KIF21A: variants seen among roughly 807,000 people sequenced by gnomAD.
KIF21A encodes the protein kinesin-like protein KIF21A.
A neutral mutation model predicts 202.9 loss-of-function variants in KIF21A; 114 were observed. The observed-to-expected ratio is 0.56, with a 90% CI of 0.48 to 0.66. The LOEUF is 0.66. KIF21A is among the 30% of genes least tolerant of loss of function. KIF21A has a pLI of 0.00. For missense variants in KIF21A, 1,677 were observed against 1,994.9 expected (o/e 0.84, Z 3.04); for synonymous variants, 667 against 670.8 (o/e 0.99, Z 0.09).
At position 39,301,500 on chromosome 12, in the gene KIF21A, G is replaced by A. The variant is rs1315156043; in HGVS notation, c.4911C>T (p.Thr1637=). Residue 1637 remains threonine, a synonymous_variant, in exon 37 of 38, where the codon ACC becomes ACT. Transcript: ENST00000361418. ...SPINAICVNS[T]HIFTAADDRT... ...CTTACTCAGCTGCAGTAAAAATGTG[G>A]GTGGAATTAACACATATGGCATTGA... 6.2e-7 allele frequency: 1 copy of A among 1,613,822 alleles called. No individual in the cohort carries two copies. Among genetic ancestry groups the A allele is most frequent in the Middle Eastern group, 1.6e-4 (1 of 6,062 alleles).
At chr12:39,408,715 A>T (rs540260846) in intron 1 of KIF21A, among the ~76,000 whole-genome samples, 152 of 152,316 alleles carry the variant, frequency 1.0e-3, no homozygotes, top group African/African-American at 3.5e-3. Flanking sequence ...AGAACAGAGC[A>T]TAAGGGAGAA....
intron 3 of KIF21A, 89 bp downstream of exon 3, chr12:39,369,640 A>C (rs1949822900): frequency 1.1e-6 from 1 of 931,998 alleles, no homozygotes; most frequent in African/African-American, 1.7e-5. Context: ...TCTTCAAAGC[A>C]CTATACTTGA....
At chr12:39,329,526 A>G (rs1946310533) in intron 24 of KIF21A, among the ~76,000 whole-genome samples, 1 of 152,062 alleles carries the variant, frequency 6.6e-6, no homozygotes, top group South Asian at 2.1e-4. Flanking sequence ...AAGGAGGAAC[A>G]CAATAAATTA....
At chr12:39,349,863 G>T (rs1948222582) in intron 11 of KIF21A, among the ~76,000 whole-genome samples, 1 of 151,784 alleles carries the variant, frequency 6.6e-6, no homozygotes, top group Non-Finnish European at 1.5e-5. Context: ...CAGTTATATG[G>T]TATAGTACAC....
At chr12:39,436,369 A>T (rs1248082803) in intron 1 of KIF21A, among the ~76,000 whole-genome samples, 1 of 146,862 alleles carries the variant, frequency 6.8e-6, no homozygotes, top group Non-Finnish European at 1.5e-5. Context: ...TCCTTTCAAG[A>T]TCCCTTTCAA....
chr12:39,382,442 G>A (rs991591039), intron 1 of KIF21A, among the ~76,000 whole-genome samples: 1 of 151,982 alleles, frequency 6.6e-6, no homozygotes, highest in Non-Finnish European at 1.5e-5. Flanking sequence ...ACAATTACAG[G>A]TAATCTGGTT....
At chr12:39,333,315 A>C (rs766532617) in intron 17 of KIF21A, 35 bp from the exon 18 acceptor site, 1 of 1,364,886 alleles carries the variant, frequency 7.3e-7, no homozygotes, top group South Asian at 1.2e-5. Context: ...GAAATAGTAA[A>C]GTGAAAGATA....
intron 12 of KIF21A, 53 bp downstream of exon 12, chr12:39,346,413 G>C: frequency 7.7e-7 from 1 of 1,293,214 alleles, no homozygotes; most frequent in Non-Finnish European, 1.0e-6. Flanking sequence ...CTTGTGAATG[G>C]CAACTAAGTA....
At chr12:39,426,718 CAAA>C (rs1200308560) in intron 1 of KIF21A, among the ~76,000 whole-genome samples, 3 of 81,922 alleles carry the variant, frequency 3.7e-5, no homozygotes, top group African/African-American at 8.9e-5. Flanking sequence ...ACTAAAAATA[CAAA>C]AAAAAAAAAA....
chr12:39,421,998 C>G (rs1459019318), intron 1 of KIF21A, among the ~76,000 whole-genome samples: 1 of 151,686 alleles, frequency 6.6e-6, no homozygotes, highest in Non-Finnish European at 1.5e-5. Context: ...CACTTTATCA[C>G]CCAGGCCTGC....
intron 6 of KIF21A, among the ~76,000 whole-genome samples, 187 bp from the exon 7 acceptor site, chr12:39,363,400 A>G (rs546192025): frequency 1.2e-4 from 19 of 152,168 alleles, no homozygotes; most frequent in Non-Finnish European, 2.1e-4. Flanking sequence ...AGTACTATAT[A>G]TAATACCGTA....
At chr12:39,295,896 GGT>G (rs1054848592) in intron 37 of KIF21A, among the ~76,000 whole-genome samples, 10 of 150,672 alleles carry the variant, frequency 6.6e-5, no homozygotes, top group African/African-American at 2.4e-4. Context: ...GTAGAGATGG[GGT>G]TTCACCATGT....
intron 24 of KIF21A, among the ~76,000 whole-genome samples, chr12:39,328,538 T>C (rs553136718): frequency 1.8e-4 from 27 of 152,314 alleles, no homozygotes; most frequent in Admixed American, 3.3e-4. Context: ...TCTCTGATGA[T>C]AGTGGTGACC....
At chr12:39,345,132 G>T (rs1229751064) in intron 12 of KIF21A, among the ~76,000 whole-genome samples, 2 of 152,192 alleles carry the variant, frequency 1.3e-5, no homozygotes, top group African/African-American at 2.4e-5. Flanking sequence ...CTATGTTTGA[G>T]AAGTTGTTCT....
chr12:39,326,385 C>T, intron 24 of KIF21A, 61 bp from the exon 25 acceptor site: 1 of 1,116,270 alleles, frequency 9.0e-7, no homozygotes, highest in Non-Finnish European at 1.4e-6. Flanking sequence ...ATGGTGACTG[C>T]AATCCATAGG....
rs150619971 is a variant in KIF21A at position 39,385,078 on chromosome 12, G to A, written c.45-14817C>T. Reference sequence around the variant, plus strand: ...CTTTGCTGTTTTCTATGAATTAGAAGCAATTCACAGGTACTATTTAACTCG... The same window carrying A: ...CTTTGCTGTTTTCTATGAATTAGAAACAATTCACAGGTACTATTTAACTCG... On this transcript the variant is annotated intron_variant, in intron 1 of 37. Coordinates refer to ENST00000361418, the MANE Select transcript of KIF21A (RefSeq NM_001173464.2). Among the ~76,000 whole-genome samples, 12 of 152,250 alleles carry A rather than the reference G, an allele frequency of 7.9e-5. No individual in the cohort carries two copies. In the East Asian group the frequency reaches 2.3e-3, roughly 29 times the overall value.
At chr12:39,434,248 A>G (rs1938370696) in intron 1 of KIF21A, among the ~76,000 whole-genome samples, 1 of 152,224 alleles carries the variant, frequency 6.6e-6, no homozygotes, top group Non-Finnish European at 1.5e-5. Context: ...AGAGGGGACT[A>G]AACTCTTTTA....
Position 39,367,162 on chromosome 12 carries a change from C to T in KIF21A, c.603G>A (p.Met201Ile). The change falls in exon 5 of 38, where the codon ATG becomes ATA. Residue 201 changes from methionine (M) to isoleucine (I), a missense_variant and splice_region_variant. Coordinates refer to ENST00000361418, the MANE Select transcript of KIF21A (RefSeq NM_001173464.2). The stretch of plus-strand genomic sequence containing the variant: ...AAGCACCCAACTTCAAACACTGCAT[C>T]ATCTGAAAAAGGGGAAGAAACAAGG... ...TTRTVNTESE[M>I]MQCLKLGALS... The T allele has an allele frequency of 6.2e-7, 1 of 1,613,734 alleles. No individual in the cohort carries two copies. Among genetic ancestry groups the T allele is most frequent in the Non-Finnish European group, 8.5e-7 (1 of 1,179,804 alleles).
chr12:39,332,329 T>A lies in KIF21A; in HGVS notation c.2936A>T (p.Asp979Val). The change falls in exon 21 of 38, where the codon GAT becomes GTT. Residue 979 changes from aspartate (D) to valine (V), a missense_variant. Asp to Val is a radical substitution (Grantham distance 152, BLOSUM62 -3). Around this residue, in one of 3 missense-constraint regions of KIF21A, gnomAD observed 966 missense variants for 1,180.9 expected, o/e 0.82. Coordinates refer to ENST00000361418, the MANE Select transcript of KIF21A (RefSeq NM_001173464.2). ...TTCATTGATATTAGCCACATTTTTA[T>A]CTCCCTCTCCATTCTCCTTGACTAT... ...EKIVKENGEG[D>V]KNVANINEEM... is the part of the protein sequence containing the mutation. The A allele has an allele frequency of 6.2e-7, 1 of 1,613,890 alleles. No homozygotes were observed. Among genetic ancestry groups the A allele is most frequent in the Non-Finnish European group, 8.5e-7 (1 of 1,179,838 alleles).
Sources: gnomAD v4.1 joint callset for allele counts (sites outside exome capture counted in the v4.1 genomes callset) on GRCh38, gnomAD v4.1.1 for gene constraint, gnomAD v4.1.1 regional missense constraint, MANE v1.5 for transcripts, NCBI Gene and HGNC (gene_info 2026-07-23, HGNC 2026-07-21) for gene names.